DPP6: variants seen among roughly 807,000 people sequenced by gnomAD.
The protein encoded by DPP6 is A-type potassium channel modulatory protein DPP6.
In DPP6, 69 loss-of-function variants were observed where a neutral mutation model predicts 122.6. The ratio of observed to expected loss-of-function variants is 0.56; its 90% CI spans 0.46 to 0.69. The LOEUF (loss-of-function observed/expected upper bound fraction) is 0.69, where lower values mean the gene tolerates loss of function less well. Ranked by LOEUF, DPP6 falls within the 30% of genes least tolerant of loss-of-function variation. The probability of loss-of-function intolerance (pLI) is 0.00; values close to 1 mark genes in which losing one functional copy is unlikely to be tolerated. For synonymous variants in DPP6, 418 were observed against 433.1 expected (o/e 0.97, Z 0.43); for missense variants, 928 against 1,116.9 (o/e 0.83, Z 2.41).
intron 1 of DPP6, among the ~76,000 whole-genome samples, chr7:154,307,868 T>TA (rs899856708): frequency 1.3e-5 from 2 of 151,872 alleles, no homozygotes; most frequent in African/African-American, 4.8e-5. Context: ...ATGTTTCTTT[T>TA]TTTTTTTTTT....
In DPP6 at chr7:153,973,543, C is replaced by T. The variant is rs1450335325; in HGVS notation, c.51+85809C>T. ...AGCTAACTCACAGCTTAAGTCAATC[C>T]ATGAATCCATCTCTAGTCCTGGGTC... On this transcript the variant is annotated intron_variant, in intron 1 of 25. Transcript: ENST00000404039. Among the ~76,000 whole-genome samples the T allele has an allele frequency of 2.0e-5, 3 of 151,920 alleles. No homozygotes were observed. The East Asian group carries it at 5.8e-4, about 29-fold the overall frequency.
At chr7:154,054,859 C>G (rs1333146260) in intron 1 of DPP6, among the ~76,000 whole-genome samples, 1 of 149,696 alleles carries the variant, frequency 6.7e-6, no homozygotes, top group Admixed American at 6.7e-5. Flanking sequence ...CTAGGTGTCG[C>G]TAGGAGAAAG....
At chr7:153,808,377 CTGTG>C in the DPP6 span, among the ~76,000 whole-genome samples, 2 of 148,736 alleles carry the variant, frequency 1.3e-5, no homozygotes, top group African/African-American at 5.0e-5. Flanking sequence ...GTATGTGTGC[CTGTG>C]TGTGCGTGTG....
chr7:153,895,443 C>T (rs1333293509), intron 1 of DPP6, among the ~76,000 whole-genome samples: 1 of 152,224 alleles, frequency 6.6e-6, no homozygotes, highest in Non-Finnish European at 1.5e-5. Context: ...TCATTACTGT[C>T]TCCTCAACAT....
chr7:154,083,040 G>A (rs570032904), intron 1 of DPP6, among the ~76,000 whole-genome samples: 55 of 151,900 alleles, frequency 3.6e-4, no homozygotes, highest in African/African-American at 1.3e-3. Context: ...TAGTAGAGAC[G>A]GGGTTTCGCT....
intron 3 of DPP6, among the ~76,000 whole-genome samples, chr7:154,484,973 A>T (rs900547194): frequency 2.0e-5 from 3 of 151,738 alleles, no homozygotes; most frequent in Admixed American, 6.6e-5. Flanking sequence ...TTTTTTTTTT[A>T]AATAAAGCTT....
At chr7:153,917,028 G>T (rs1214473620) in intron 1 of DPP6, among the ~76,000 whole-genome samples, 2 of 152,204 alleles carry the variant, frequency 1.3e-5, no homozygotes, top group Non-Finnish European at 2.9e-5. Context: ...CACTCATATG[G>T]ATCATCTGAA....
chr7:154,352,834 A>G (rs1259811340), intron 1 of DPP6, among the ~76,000 whole-genome samples: 1 of 152,210 alleles, frequency 6.6e-6, no homozygotes, highest in African/African-American at 2.4e-5. Context: ...CCAGAACTTC[A>G]GTAAATTTTT....
At chr7:154,186,270 A>G (rs939940674) in intron 1 of DPP6, among the ~76,000 whole-genome samples, 34 of 152,236 alleles carry the variant, frequency 2.2e-4, no homozygotes, top group African/African-American at 7.5e-4. Flanking sequence ...TGTTGAAATC[A>G]TACTTGGGTC....
chr7:154,060,692 C>T (rs1321579621), intron 1 of DPP6, among the ~76,000 whole-genome samples: 18 of 146,910 alleles, frequency 1.2e-4, no homozygotes, highest in African/African-American at 4.5e-4. Flanking sequence ...TCTTCCGCCC[C>T]TGGCTGTTAG....
chr7:153,945,300 G>A (rs916004147), intron 1 of DPP6, among the ~76,000 whole-genome samples: 1 of 152,060 alleles, frequency 6.6e-6, no homozygotes, highest in African/African-American at 2.4e-5. Context: ...TTCCCTCTAC[G>A]GAAGTTCCCA....
rs1223720551 is a variant in DPP6 at position 154,093,230 on chromosome 7, GAC to G, written c.243+40173_243+40174del. Reference sequence around the variant, plus strand: ...ACCACATCATACACATCATACACACGACACACAGCACATAACACACCACATGC... The same window carrying G: ...ACCACATCATACACATCATACACACGACACAGCACATAACACACCACATGC... On this transcript the variant is annotated intron_variant, in intron 1 of 25. Transcript: ENST00000377770. Among the ~76,000 whole-genome samples, 7 of 143,042 alleles carry G rather than the reference GAC, an allele frequency of 4.9e-5. No individual in the cohort carries two copies. The South Asian group carries it at 1.4e-3, about 28-fold the overall frequency. The allele number at this position is 143,042 out of a possible 152,430, so 93.8% of individuals were successfully genotyped here. A position where few individuals can be genotyped will look rare whatever the true frequency, so the allele number is the denominator to read the frequency against.
At chr7:154,301,692 TTGTTC>T (rs1293528907) in intron 1 of DPP6, among the ~76,000 whole-genome samples, 3 of 152,122 alleles carry the variant, frequency 2.0e-5, no homozygotes, top group Non-Finnish European at 4.4e-5. Context: ...AGTACAATGT[TTGTTC>T]TCTGGAGGCA....
At chr7:154,795,921 A>C in intron 12 of DPP6, 38 bp downstream of exon 12, 1 of 1,598,156 alleles carries the variant, frequency 6.3e-7, no homozygotes, top group Non-Finnish European at 8.5e-7. Context: ...TGTCACCTCC[A>C]CCTGATCCAC....
chr7:154,165,846 G>A (rs1585532013), intron 1 of DPP6, among the ~76,000 whole-genome samples: 2 of 152,096 alleles, frequency 1.3e-5, no homozygotes, highest in African/African-American at 2.4e-5. Flanking sequence ...CTGAAACTGG[G>A]TATTTTATTC....
chr7:154,585,831 A>T (rs1312135758), intron 5 of DPP6, among the ~76,000 whole-genome samples: 2 of 152,076 alleles, frequency 1.3e-5, no homozygotes, highest in African/African-American at 4.8e-5. Context: ...ATCTCACAAT[A>T]CTCAGGGCCG....
intron 3 of DPP6, among the ~76,000 whole-genome samples, chr7:154,500,582 G>T (rs1207657543): frequency 6.6e-6 from 1 of 152,118 alleles, no homozygotes; most frequent in African/African-American, 2.4e-5. Context: ...TTAAAAAGGG[G>T]AGTTTCCTTG....
At chr7:154,710,129 A>G (rs1468773313) in intron 7 of DPP6, among the ~76,000 whole-genome samples, 1 of 152,164 alleles carries the variant, frequency 6.6e-6, no homozygotes, top group Non-Finnish European at 1.5e-5. Flanking sequence ...CTGCCAGATG[A>G]CAGCTTGGTG....
At chr7:153,812,501 G>A in the DPP6 span, among the ~76,000 whole-genome samples, 1 of 151,992 alleles carries the variant, frequency 6.6e-6, no homozygotes, top group African/African-American at 2.4e-5. Flanking sequence ...ACTCAGAGGA[G>A]CAGCTTCCAA....
Sources: gnomAD v4.1 joint callset for allele counts (sites outside exome capture counted in the v4.1 genomes callset) on GRCh38, gnomAD v4.1.1 for gene constraint, MANE v1.5 for transcripts, NCBI Gene and HGNC (gene_info 2026-07-23, HGNC 2026-07-21) for gene names.